Variants in TMC7 observed in about 807,000 individuals in gnomAD.
TMC7 encodes the protein transmembrane channel-like protein 7.
In TMC7, 54 loss-of-function variants were observed where a neutral mutation model predicts 82.9. The ratio of observed to expected loss-of-function variants is 0.65; its 90% confidence interval spans 0.52 to 0.82. The LOEUF (loss-of-function observed/expected upper bound fraction) is 0.82. Ranked by LOEUF, TMC7 falls within the 40% of genes least tolerant of loss-of-function variation. The pLI is 0.00. For synonymous variants in TMC7, 350 were observed against 337.9 expected (o/e 1.04, Z -0.39); for missense variants, 820 against 901.2 (o/e 0.91, Z 1.15).
At chr16:19,015,867 C>T (rs1343050498) in intron 2 of TMC7, among the ~76,000 whole-genome samples, 7 of 152,002 alleles carry the variant, frequency 4.6e-5, no homozygotes, top group South Asian at 2.1e-4. Flanking sequence ...TGAGCCACCA[C>T]GCCCAGCCTC....
intron 11 of TMC7, among the ~76,000 whole-genome samples, chr16:19,045,682 C>T (rs954534045): frequency 6.0e-5 from 9 of 150,860 alleles, no homozygotes; most frequent in East Asian, 1.9e-4. Context: ...CTGCAACCTC[C>T]GCCTCCCAGG....
intron 1 of TMC7, among the ~76,000 whole-genome samples, chr16:19,000,470 G>A (rs1046135897): frequency 8.5e-5 from 13 of 152,124 alleles, no homozygotes; most frequent in Admixed American, 7.2e-4. Context: ...GCAAGACTCT[G>A]TCTCAAAAGC....
chr16:19,051,868 T>C (rs1302463949), intron 13 of TMC7, 52 bp downstream of exon 13: 1 of 1,602,238 alleles, frequency 6.2e-7, no homozygotes. Flanking sequence ...GACCTCTTCC[T>C]CTTTTATGTA....
At chr16:18,988,521 G>A (rs1359190516) in intron 1 of TMC7, among the ~76,000 whole-genome samples, 1 of 151,780 alleles carries the variant, frequency 6.6e-6, no homozygotes, top group Non-Finnish European at 1.5e-5. Flanking sequence ...AAACTCCTGA[G>A]TTCAATCGAT....
At chr16:19,001,846 G>A (rs1249351453) in intron 1 of TMC7, among the ~76,000 whole-genome samples, 2 of 152,134 alleles carry the variant, frequency 1.3e-5, no homozygotes, top group Non-Finnish European at 1.5e-5. Flanking sequence ...CTGGAGTCTG[G>A]CCCAGAGAGA....
At chr16:19,056,850 C>T (rs1436412938) in intron 14 of TMC7, among the ~76,000 whole-genome samples, 153 bp downstream of exon 14, 5 of 152,190 alleles carry the variant, frequency 3.3e-5, no homozygotes, top group South Asian at 2.1e-4. Flanking sequence ...ATAGGCCAGG[C>T]GCGGTGGCTC....
chr16:18,990,132 G>A (rs112502248), intron 1 of TMC7, among the ~76,000 whole-genome samples: 1,619 of 152,226 alleles, frequency 0.011, 30 homozygotes, highest in African/African-American at 0.037. Context: ...CTTCTTAAGG[G>A]TTGGGGAGAT....
At chr16:19,003,555 G>C (rs1285468019) in intron 1 of TMC7, among the ~76,000 whole-genome samples, 3 of 149,318 alleles carry the variant, frequency 2.0e-5, no homozygotes, top group Non-Finnish European at 3.0e-5. Context: ...TTGAGAACGG[G>C]CCAGGATGAC....
rs140526927 is a variant in TMC7 at position 18,985,225 on chromosome 16, C to G, written c.67+1095C>G. The stretch of plus-strand genomic sequence containing the variant: ...AGTGAGCCGAGATTGCGCCACTGCA[C>G]TCCAGCCTGGGCGACAGACCAAGAC... On this transcript the variant is annotated intron_variant, in intron 1 of 15. Transcript: ENST00000304381. 2.2e-4 allele frequency among the ~76,000 whole-genome samples: 33 copies of G among 150,688 alleles called. 1 individual carries two copies. The East Asian group carries it at 6.5e-3, about 30-fold the overall frequency.
At chr16:19,021,988 C>T (rs7195343) in intron 4 of TMC7, among the ~76,000 whole-genome samples, 192 bp downstream of exon 4, 2,723 of 152,162 alleles carry the variant, frequency 0.018, 82 homozygotes, top group African/African-American at 0.062. Flanking sequence ...CATGCAGGCA[C>T]GACAGCATAA....
intron 1 of TMC7, among the ~76,000 whole-genome samples, chr16:18,988,528 C>G (rs182475382): frequency 2.8e-4 from 43 of 151,674 alleles, no homozygotes; most frequent in Middle Eastern, 3.4e-3. Flanking sequence ...TGAGTTCAAT[C>G]GATCTTCCTG....
At chr16:19,046,839 A>C (rs1288112765) in intron 11 of TMC7, among the ~76,000 whole-genome samples, 1 of 152,060 alleles carries the variant, frequency 6.6e-6, no homozygotes, top group Non-Finnish European at 1.5e-5. Flanking sequence ...TCTCAAAAAA[A>C]AAAAAAAAAG....
chr16:19,003,375 C>CCCGG (rs1324330928), intron 1 of TMC7, among the ~76,000 whole-genome samples: 6 of 150,560 alleles, frequency 4.0e-5, no homozygotes, highest in African/African-American at 1.5e-4. Flanking sequence ...AGCCCCTCTG[C>CCCGG]CCGGCCAGCC....
chr16:19,037,377 ACT>A (rs1288759965), intron 7 of TMC7, among the ~76,000 whole-genome samples: 6 of 103,160 alleles, frequency 5.8e-5, no homozygotes, highest in Non-Finnish European at 1.2e-4. Flanking sequence ...ACAGAGCGAG[ACT>A]CTGTCTCAAA....
chr16:18,997,821 C>T (rs1282880046), intron 1 of TMC7, among the ~76,000 whole-genome samples: 1 of 151,756 alleles, frequency 6.6e-6, no homozygotes, highest in Non-Finnish European at 1.5e-5. Flanking sequence ...GCTCCGCCTC[C>T]CGGGTTCACA....
At chr16:19,004,425 C>T (rs535638821) in intron 1 of TMC7, among the ~76,000 whole-genome samples, 11 of 152,166 alleles carry the variant, frequency 7.2e-5, no homozygotes, top group Admixed American at 4.6e-4. Flanking sequence ...AGTGCAGTGG[C>T]GTGATCTCGG....
chr16:19,028,441 T>A (rs558651614), intron 5 of TMC7, among the ~76,000 whole-genome samples: 1 of 152,274 alleles, frequency 6.6e-6, no homozygotes, highest in East Asian at 1.9e-4. Context: ...TTACTGTTCT[T>A]CTTCTTCAAA....
At chr16:19,035,306 A>G (rs757253773) in intron 6 of TMC7, among the ~76,000 whole-genome samples, 1 of 152,150 alleles carries the variant, frequency 6.6e-6, no homozygotes, top group Non-Finnish European at 1.5e-5. Flanking sequence ...GCAAGGATTG[A>G]AGAACTATTG....
intron 13 of TMC7, among the ~76,000 whole-genome samples, chr16:19,054,080 T>C (rs1961661178): frequency 6.6e-6 from 1 of 152,176 alleles, no homozygotes; most frequent in African/African-American, 2.4e-5. Flanking sequence ...TTTAGGTTGT[T>C]TCCAGCAATT....
Sources: gnomAD v4.1 joint callset for allele counts (sites outside exome capture counted in the v4.1 genomes callset) on GRCh38, gnomAD v4.1.1 for gene constraint, MANE v1.5 for transcripts, NCBI Gene and HGNC (gene_info 2026-07-23, HGNC 2026-07-21) for gene names.